ABCC5: variants seen among roughly 807,000 people sequenced by gnomAD.
ABCC5 encodes ATP binding cassette subfamily C member 5, also known as ATP-binding cassette sub-family C member 5.
Under a neutral mutation model 160.9 loss-of-function variants are expected in ABCC5, and 61 were observed. The ratio of observed to expected loss-of-function variants is 0.38; its 90% CI spans 0.31 to 0.47. The LOEUF is 0.47. Among genes scored for constraint, ABCC5 ranks in the 20% least tolerant of loss-of-function variants. ABCC5 has a pLI of 0.99. For synonymous variants in ABCC5, 666 were observed against 700.6 expected, an observed-to-expected ratio of 0.95 and a Z score of 0.78; for missense variants, 1,308 against 1,813.3, an observed-to-expected ratio of 0.72 and a Z score of 5.06.
At chr3:183,928,255 G>A (rs905105401) in intron 27 of ABCC5, among the ~76,000 whole-genome samples, 15 of 151,958 alleles carry the variant, frequency 9.9e-5, no homozygotes, top group Non-Finnish European at 1.2e-4. Context: ...GGGATTACAG[G>A]TGCATGCCAC....
intron 2 of ABCC5, among the ~76,000 whole-genome samples, chr3:184,011,031 C>G (rs1197035296): frequency 6.6e-6 from 1 of 151,930 alleles, no homozygotes; most frequent in Non-Finnish European, 1.5e-5. Context: ...CGTGAGCCAC[C>G]GTGCCCGGCC....
chr3:183,921,741 A>G lies in ABCC5; in HGVS notation c.4213-340T>C, dbSNP rs994754351. Among the ~76,000 whole-genome samples, 1 of 152,088 alleles carries G rather than the reference A, an allele frequency of 6.6e-6. No homozygotes were observed. ...GTGAAGGAACCAACCAACCAGGTCT[A>G]TAAACTGCAGGAGGCTGGTGGCTCA... On this transcript the variant is annotated intron_variant, in intron 29 of 29. Coordinates refer to ENST00000334444, the MANE Select transcript of ABCC5 (RefSeq NM_005688.4). The surrounding 1 kb of genome is among the most constrained non-coding windows in gnomAD (Gnocchi z 4.1).
intron 16 of ABCC5, among the ~76,000 whole-genome samples, chr3:183,961,276 CA>C (rs1022619206): frequency 2.0e-5 from 3 of 152,182 alleles, no homozygotes; most frequent in Non-Finnish European, 4.4e-5. Flanking sequence ...CTGCCATTGT[CA>C]TATTAGTAAG....
At chr3:183,955,847 C>T (rs377437062) in intron 17 of ABCC5, among the ~76,000 whole-genome samples, 3 of 143,286 alleles carry the variant, frequency 2.1e-5, no homozygotes, top group South Asian at 2.2e-4. Flanking sequence ...TATATCACAT[C>T]GGTTACATGC....
chr3:183,936,508 A>G (rs1255291645), intron 26 of ABCC5, among the ~76,000 whole-genome samples: 1 of 147,086 alleles, frequency 6.8e-6, no homozygotes, highest in Non-Finnish European at 1.5e-5. Context: ...TTACTTTTAG[A>G]ATGATTTTTT....
At chr3:183,984,761 C>A in intron 5 of ABCC5, 1 of 1,540,712 alleles carries the variant, frequency 6.5e-7, no homozygotes. Flanking sequence ...TTCCAGTATG[C>A]AATCCAAAAT....
intron 1 of ABCC5, among the ~76,000 whole-genome samples, chr3:184,016,367 G>A (rs530631430): frequency 2.6e-5 from 4 of 152,198 alleles, no homozygotes; most frequent in Non-Finnish European, 5.9e-5. Flanking sequence ...CAGGCCCAAA[G>A]TAGGCACAAA....
At chr3:183,960,435 T>C (rs1716615176) in intron 16 of ABCC5, among the ~76,000 whole-genome samples, 2 of 152,192 alleles carry the variant, frequency 1.3e-5, no homozygotes, top group Admixed American at 1.3e-4. Flanking sequence ...GCAGTCACAG[T>C]TGTCCCCATT....
At chr3:183,984,910 G>GTGGT (rs770325225) in intron 5 of ABCC5, 1 of 1,560,776 alleles carries the variant, frequency 6.4e-7, no homozygotes, top group African/African-American at 1.4e-5. Flanking sequence ...AGGACAGCAG[G>GTGGT]TGGTTGCCTT....
chr3:183,970,484 A>C (rs1717639666), intron 11 of ABCC5, among the ~76,000 whole-genome samples: 2 of 147,300 alleles, frequency 1.4e-5, no homozygotes, highest in African/African-American at 2.5e-5. Context: ...ACACTGTGCC[A>C]CCCAGGCTGG....
rs1449558890 is a variant in ABCC5 at position 183,937,881 on chromosome 3, G to A, written c.3854+20C>T. 6.2e-7 allele frequency: 1 copy of A among 1,613,046 alleles called. No homozygotes were observed. The highest frequency in any genetic ancestry group is 8.5e-7 in the Non-Finnish European group (1 of 1,179,258). ...GGCCTCTAAGTGACGCACGAGACATGCAGGTGCTCAGGTCCTCACCTGACA... is the reference window on the plus strand; with the variant it reads ...GGCCTCTAAGTGACGCACGAGACATACAGGTGCTCAGGTCCTCACCTGACA... On this transcript the variant is annotated intron_variant, in intron 26 of 29. Transcript: ENST00000334444.
At chr3:183,935,965 A>AG (rs1195738568) in intron 26 of ABCC5, among the ~76,000 whole-genome samples, 1 of 152,218 alleles carries the variant, frequency 6.6e-6, no homozygotes, top group African/African-American at 2.4e-5. Flanking sequence ...ACACAAACAC[A>AG]GGTGAGAATT....
At chr3:183,968,850 C>T (rs988965487) in intron 11 of ABCC5, among the ~76,000 whole-genome samples, 1 of 152,166 alleles carries the variant, frequency 6.6e-6, no homozygotes, top group African/African-American at 2.4e-5. Flanking sequence ...GTGATCCAGG[C>T]CCCGTGACTT....
intron 23 of ABCC5, among the ~76,000 whole-genome samples, chr3:183,946,381 T>C (rs548126127): frequency 5.8e-4 from 89 of 152,304 alleles, no homozygotes; most frequent in Non-Finnish European, 9.7e-4. Context: ...CTGTGCTCCA[T>C]AGACTGCGGA....
chr3:183,978,033 G>A (rs1184583030), intron 9 of ABCC5, among the ~76,000 whole-genome samples: 2 of 152,296 alleles, frequency 1.3e-5, no homozygotes, highest in Admixed American at 6.5e-5. Flanking sequence ...GATTACAGGC[G>A]TGAGCCACCA....
chr3:183,961,745 C>T lies in ABCC5; in HGVS notation c.2236-91G>A, dbSNP rs547707941. On this transcript the variant is annotated intron_variant, in intron 15 of 29. Transcript: ENST00000334444. ...TAGTTCAGTAGTTCTCTACAGGAGA[C>T]GAGTTAAGCTCCCAGAAGACATTTG... The T allele has an allele frequency of 7.2e-5, 104 of 1,447,050 alleles. 2 individuals are homozygous for T. The South Asian group carries it at 1.0e-3, about 14-fold the overall frequency. 89.6% of individuals were successfully genotyped at this position (1,447,050 alleles called of 1,614,324 possible). A position where few individuals can be genotyped will look rare whatever the true frequency, so the allele number is the denominator to read the frequency against.
Position 183,965,482 on chromosome 3 carries a change from C to A in ABCC5, c.1853G>T (p.Ser618Ile). 1.9e-6 allele frequency: 3 copies of A among 1,613,718 alleles called. No individual in the cohort carries two copies. The highest frequency in any genetic ancestry group is 2.5e-6 in the Non-Finnish European group (3 of 1,180,024). ...AGCGAAGGTTCCACTGATTGCAATG[C>A]TGCCCTCTAGAAGCGTCATCTAGGG... Reference protein sequence around the residue: ...ILGQMTLLEGSIAISGTFAYV... With the variant: ...ILGQMTLLEGIIAISGTFAYV... The change falls in exon 13 of 30, where the codon AGC (serine) becomes ATC (isoleucine). Residue 618 changes from serine to isoleucine, a missense_variant. Physicochemically the swap from Ser to Ile is moderately radical, Grantham distance 142 (BLOSUM62 -2). Coordinates refer to ENST00000334444, the MANE Select transcript of ABCC5 (RefSeq NM_005688.4).
At chr3:183,945,504 C>A (rs1577490409) in intron 24 of ABCC5, among the ~76,000 whole-genome samples, 1 of 152,080 alleles carries the variant, frequency 6.6e-6, no homozygotes, top group Non-Finnish European at 1.5e-5. Context: ...TGATGGCCAT[C>A]CCTGATTAAG....
At chr3:184,013,065 CT>C (rs1376588205) in intron 2 of ABCC5, among the ~76,000 whole-genome samples, 1 of 152,112 alleles carries the variant, frequency 6.6e-6, no homozygotes, top group Non-Finnish European at 1.5e-5. Context: ...AGGTATAATG[CT>C]TTTTTTCCTC....
Sources: gnomAD v4.1 joint callset for allele counts (sites outside exome capture counted in the v4.1 genomes callset) on GRCh38, gnomAD v4.1.1 for gene constraint, Gnocchi (gnomAD v3.1) non-coding constraint, MANE v1.5 for transcripts, NCBI Gene and HGNC (gene_info 2026-07-23, HGNC 2026-07-21) for gene names.